Variants in RILPL1 observed in about 807,000 individuals in gnomAD.
RILPL1 encodes Rab interacting lysosomal protein like 1, also known as RILP-like protein 1.
A neutral mutation model predicts 50.3 loss-of-function variants in RILPL1; 33 were observed. The ratio of observed to expected loss-of-function variants is 0.66; its 90% confidence interval spans 0.50 to 0.88. The LOEUF is 0.88. Among genes scored for constraint, RILPL1 ranks in the 40% least tolerant of loss-of-function variants. The pLI is 0.00. For synonymous variants in RILPL1, 205 were observed against 228.6 expected (o/e 0.90, Z 0.93); for missense variants, 418 against 542.5 (o/e 0.77, Z 2.28).
At chr12:123,480,651 T>A (rs1049013441) in intron 6 of RILPL1, among the ~76,000 whole-genome samples, 3 of 151,812 alleles carry the variant, frequency 2.0e-5, no homozygotes, top group African/African-American at 7.3e-5. Context: ...CATCCTCACA[T>A]AGGAGTGGGG....
chr12:123,489,943 A>G lies in RILPL1; in HGVS notation c.802-4138T>C, dbSNP rs1405868023. Among the ~76,000 whole-genome samples, 1 of 152,150 alleles carries G rather than the reference A, an allele frequency of 6.6e-6. No individual in the cohort carries two copies. Among genetic ancestry groups the G allele is most frequent in the African/African-American group, 2.4e-5 (1 of 41,428 alleles). The stretch of plus-strand genomic sequence containing the variant: ...TTAAGATTAGGAGATTTCATATTGA[A>G]GTTTGCATTTTGGGCTTCCTGTGGA... On this transcript the variant is annotated intron_variant, in intron 4 of 6. Transcript: ENST00000376874. The surrounding 1 kb of genome is among the most constrained non-coding windows in gnomAD (Gnocchi z 4.0).
chr12:123,527,436 C>T (rs772374266), intron 1 of RILPL1, among the ~76,000 whole-genome samples: 9 of 151,368 alleles, frequency 5.9e-5, no homozygotes, highest in African/African-American at 7.3e-5. Flanking sequence ...GTCAGGAGTT[C>T]GAGACCAGCC....
At chr12:123,475,816 T>G in intron 6 of RILPL1, 1 of 955,542 alleles carries the variant, frequency 1.0e-6, no homozygotes, top group Non-Finnish European at 1.6e-6. Context: ...AGAAACAAAC[T>G]CCACAGACAC....
In RILPL1 at chr12:123,533,244, A is replaced by T; in HGVS notation, c.239T>A (p.Leu80Gln). ...RHHVAPELDE[L>Q]RLELDRLRLE... ...GCGCAGGCGGTCCAGCTCCAGGCGCAGCTCGTCCAGCTCGGGCGCGACGTG... is the reference window on the plus strand; with the variant it reads ...GCGCAGGCGGTCCAGCTCCAGGCGCTGCTCGTCCAGCTCGGGCGCGACGTG... The change falls in exon 1 of 7, where the codon CTG becomes CAG. Residue 80 changes from leucine (L) to glutamine (Q), a missense_variant. Coordinates refer to ENST00000376874, the MANE Select transcript of RILPL1 (RefSeq NM_178314.5). The surrounding 1 kb of genome is among the most constrained non-coding windows in gnomAD (Gnocchi z 6.2). 2 of 1,592,842 alleles carry T rather than the reference A, an allele frequency of 1.3e-6. No individual in the cohort carries two copies.
chr12:123,528,758 GAA>G (rs1885351355), intron 1 of RILPL1, among the ~76,000 whole-genome samples: 1 of 152,072 alleles, frequency 6.6e-6, no homozygotes, highest in Non-Finnish European at 1.5e-5. Context: ...CAGCCACAGG[GAA>G]TGAATACAGA....
chr12:123,531,115 G>GAA (rs10592345), intron 1 of RILPL1, among the ~76,000 whole-genome samples: 3,145 of 143,638 alleles, frequency 0.022, 57 homozygotes, highest in Middle Eastern at 0.067. Flanking sequence ...GACTCTGCAG[G>GAA]AAAAAAAAAA....
At chr12:123,523,174 C>T (rs561685006) in intron 2 of RILPL1, among the ~76,000 whole-genome samples, 1 of 152,276 alleles carries the variant, frequency 6.6e-6, no homozygotes. Flanking sequence ...CCTTTCTCCT[C>T]TGCACAGCAC....
In RILPL1 at chr12:123,489,065, C is replaced by T. The variant is rs937226448; in HGVS notation, c.802-3260G>A. The stretch of plus-strand genomic sequence containing the variant: ...GACGGATATGCGGCCGGCATTCAAT[C>T]GCGCCAGTTCTCCTCTTTCCCTGGC... On this transcript the variant is annotated intron_variant, in intron 4 of 6. Coordinates refer to ENST00000376874, the MANE Select transcript of RILPL1 (RefSeq NM_178314.5). The surrounding 1 kb of genome is among the most constrained non-coding windows in gnomAD (Gnocchi z 4.0). 2.0e-5 allele frequency among the ~76,000 whole-genome samples: 3 copies of T among 152,156 alleles called. No individual in the cohort carries two copies. Among genetic ancestry groups the T allele is most frequent in the Non-Finnish European group, 4.4e-5 (3 of 68,022 alleles).
intron 1 of RILPL1, among the ~76,000 whole-genome samples, chr12:123,530,804 G>A (rs796823485): frequency 6.6e-5 from 10 of 152,290 alleles, no homozygotes; most frequent in African/African-American, 2.4e-4. Flanking sequence ...TACCAAGAAG[G>A]GCACTGTGCT....
At chr12:123,510,720 T>G (rs888306894) in intron 2 of RILPL1, among the ~76,000 whole-genome samples, 1 of 125,720 alleles carries the variant, frequency 8.0e-6, no homozygotes, top group African/African-American at 2.9e-5. Flanking sequence ...GGTGTCAATG[T>G]GAGGTCTGTG....
intron 4 of RILPL1, among the ~76,000 whole-genome samples, chr12:123,490,149 G>C (rs1882595442): frequency 6.6e-6 from 1 of 152,024 alleles, no homozygotes. Flanking sequence ...CTCGGGTCCT[G>C]CCTTTCATAG....
At chr12:123,528,888 AG>A (rs1360915773) in intron 1 of RILPL1, among the ~76,000 whole-genome samples, 1 of 151,924 alleles carries the variant, frequency 6.6e-6, no homozygotes, top group Non-Finnish European at 1.5e-5. Flanking sequence ...ATACCAGCCC[AG>A]TGGTTCTCCG....
rs530857620 is a variant in RILPL1 at position 123,529,461 on chromosome 12, G to A, written c.309+3713C>T. Among the ~76,000 whole-genome samples the A allele has an allele frequency of 2.7e-4, 41 of 152,242 alleles. 1 individual carries two copies. Among genetic ancestry groups the A allele is most frequent in the Admixed American group, 2.4e-3 (36 of 15,276 alleles). ...CCAGCTAATTTTTGTATTTTTAGTA[G>A]GGATGAGGTTTTGCCATGTTGGCCA... On this transcript the variant is annotated intron_variant, in intron 1 of 6. Coordinates refer to ENST00000376874, the MANE Select transcript of RILPL1 (RefSeq NM_178314.5).
At chr12:123,505,907 C>T (rs941684597) in intron 2 of RILPL1, among the ~76,000 whole-genome samples, 4 of 152,188 alleles carry the variant, frequency 2.6e-5, no homozygotes, top group African/African-American at 9.6e-5. Flanking sequence ...TGGCAGGCAT[C>T]AGCCACCACA....
chr12:123,516,303 T>A (rs755695269), intron 2 of RILPL1, among the ~76,000 whole-genome samples: 4 of 152,194 alleles, frequency 2.6e-5, no homozygotes, highest in Non-Finnish European at 5.9e-5. Context: ...ACCTCAGGCA[T>A]CCTGGCTGGC....
At chr12:123,509,004 G>A (rs1246908550) in intron 2 of RILPL1, among the ~76,000 whole-genome samples, 1 of 152,200 alleles carries the variant, frequency 6.6e-6, no homozygotes, top group Non-Finnish European at 1.5e-5. Context: ...TGGTCAACAT[G>A]GTGAAACCTC....
chr12:123,511,079 GGTCT>G (rs1011597433), intron 2 of RILPL1, among the ~76,000 whole-genome samples: 3 of 129,630 alleles, frequency 2.3e-5, no homozygotes, highest in African/African-American at 8.9e-5. Context: ...GTGTGTGTGA[GGTCT>G]GTGTGTGGTG....
At chr12:123,501,876 G>A (rs1203467157) in intron 2 of RILPL1, among the ~76,000 whole-genome samples, 1 of 151,598 alleles carries the variant, frequency 6.6e-6, no homozygotes, top group Non-Finnish European at 1.5e-5. Context: ...GGGAGCTCGA[G>A]ACCAACCTGA....
Position 123,522,544 on chromosome 12 carries a change from AC to A in RILPL1, c.460+950del, listed in dbSNP as rs1453889752. On this transcript the variant is annotated intron_variant, in intron 2 of 6. Coordinates refer to ENST00000376874, the MANE Select transcript of RILPL1 (RefSeq NM_178314.5). This position sits in a 1 kb window ranked among gnomAD's most constrained non-coding sequence, Gnocchi z 4.0. ...CCTCAGCCTCTAAGGAGCTACATGA[AC>A]TGACCCCTGTGACCTCATTTCCAGC... Among the ~76,000 whole-genome samples the A allele has an allele frequency of 6.6e-6, 1 of 152,088 alleles. No homozygotes were observed. Among genetic ancestry groups the A allele is most frequent in the African/African-American group, 2.4e-5 (1 of 41,414 alleles).
Sources: allele counts gnomAD v4.1 joint callset (sites outside exome capture counted in the v4.1 genomes callset), GRCh38; gene constraint gnomAD v4.1.1; non-coding constraint Gnocchi (gnomAD v3.1); transcripts MANE v1.5; gene names NCBI Gene and HGNC (gene_info 2026-07-23, HGNC 2026-07-21).